The following HTR4 variants were observed in gnomAD, a reference collection of about 807,000 sequenced individuals.
The protein encoded by HTR4 is 5-hydroxytryptamine receptor 4.
Under a neutral mutation model 36.8 loss-of-function variants are expected in HTR4, and 16 were observed. The ratio of observed to expected loss-of-function variants is 0.43; its 90% confidence interval spans 0.29 to 0.66. The LOEUF (loss-of-function observed/expected upper bound fraction) is 0.66. Ranked by LOEUF, HTR4 falls within the 30% of genes least tolerant of loss-of-function variation. HTR4 has a pLI of 0.13. For synonymous variants in HTR4, 189 were observed against 185.1 expected (o/e 1.02, Z -0.17); for missense variants, 438 against 490.9 (o/e 0.89, Z 1.02).
At chr5:148,469,759 C>T (rs1018699599) in intron 5 of HTR4, among the ~76,000 whole-genome samples, 1 of 152,122 alleles carries the variant, frequency 6.6e-6, no homozygotes, top group Non-Finnish European at 1.5e-5. Context: ...TTGTCAGGCT[C>T]CTAGGATGCA....
chr5:148,472,402 T>G (rs1469637624), downstream of HTR4, among the ~76,000 whole-genome samples: 2 of 152,222 alleles, frequency 1.3e-5, no homozygotes, highest in Non-Finnish European at 2.9e-5. Flanking sequence ...TGTTATCTCC[T>G]GAGATACTCT....
intron 4 of HTR4, among the ~76,000 whole-genome samples, chr5:148,527,746 T>C (rs1758353170): frequency 6.6e-6 from 1 of 152,144 alleles, no homozygotes; most frequent in Non-Finnish European, 1.5e-5. Context: ...CCTGAGTAGC[T>C]GGGAATACAG....
intron 6 of HTR4, among the ~76,000 whole-genome samples, chr5:148,500,299 T>C (rs915738473): frequency 1.3e-5 from 2 of 151,874 alleles, no homozygotes; most frequent in African/African-American, 4.8e-5. Flanking sequence ...AGATGGTGAA[T>C]GTATAAAGTA....
chr5:148,460,301 G>A (rs1446403999), intron 5 of HTR4, among the ~76,000 whole-genome samples: 2 of 152,044 alleles, frequency 1.3e-5, no homozygotes, highest in African/African-American at 2.4e-5. Context: ...GAAGCTCAGA[G>A]AATACCAAGC....
At chr5:148,526,617 C>T (rs902402433) in intron 4 of HTR4, among the ~76,000 whole-genome samples, 1 of 152,024 alleles carries the variant, frequency 6.6e-6, no homozygotes, top group Non-Finnish European at 1.5e-5. Context: ...AGGTATGGAA[C>T]CTACCTAAGC....
intron 3 of HTR4, among the ~76,000 whole-genome samples, chr5:148,549,444 C>T (rs956923043): frequency 3.9e-5 from 6 of 152,282 alleles, no homozygotes; most frequent in East Asian, 1.9e-4. Context: ...GGAACTGCTT[C>T]GTTATACCCT....
At chr5:148,526,863 CA>C (rs1274125938) in intron 4 of HTR4, among the ~76,000 whole-genome samples, 1 of 151,882 alleles carries the variant, frequency 6.6e-6, no homozygotes, top group Non-Finnish European at 1.5e-5. Flanking sequence ...ATGGTTACCA[CA>C]GGCTGGGAGG....
At chr5:148,613,786 T>A (rs1389974932) in intron 2 of HTR4, among the ~76,000 whole-genome samples, 1 of 149,502 alleles carries the variant, frequency 6.7e-6, no homozygotes, top group Non-Finnish European at 1.5e-5. Context: ...AAAACCCCAT[T>A]GTCTCAGCCC....
intron 2 of HTR4, among the ~76,000 whole-genome samples, chr5:148,591,401 GAATCTGT>G (rs1761565651): frequency 6.6e-6 from 1 of 152,018 alleles, no homozygotes; most frequent in Non-Finnish European, 1.5e-5. Flanking sequence ...AAATAACATT[GAATCTGT>G]AAATGGCTTT....
At chr5:148,627,849 A>G (rs1037549093) in intron 2 of HTR4, among the ~76,000 whole-genome samples, 2 of 152,262 alleles carry the variant, frequency 1.3e-5, no homozygotes, top group African/African-American at 4.8e-5. Flanking sequence ...AGAAAATAGC[A>G]GGTACTAAAA....
At chr5:148,462,790 T>C (rs11168048) in intron 5 of HTR4, among the ~76,000 whole-genome samples, 58,281 of 152,040 alleles carry the variant, frequency 0.38, 12,291 homozygotes, top group East Asian at 0.7. Context: ...AGTCTAACAA[T>C]GTATACACAG....
At chr5:148,574,661 C>G (rs1760818115) in intron 2 of HTR4, among the ~76,000 whole-genome samples, 1 of 152,064 alleles carries the variant, frequency 6.6e-6, no homozygotes, top group South Asian at 2.1e-4. Context: ...AAACTGACTT[C>G]TTAATCTTTC....
intron 5 of HTR4, among the ~76,000 whole-genome samples, chr5:148,462,694 A>G (rs1406188903): frequency 4.6e-5 from 7 of 152,086 alleles, no homozygotes. Context: ...AAAACCAAAG[A>G]CATTACAAAA....
intron 5 of HTR4, among the ~76,000 whole-genome samples, chr5:148,453,906 T>G (rs1165114109): frequency 6.6e-6 from 1 of 152,124 alleles, no homozygotes; most frequent in Non-Finnish European, 1.5e-5. Context: ...GTCCAGGAAG[T>G]AGCTGTAAAG....
intron 2 of HTR4, among the ~76,000 whole-genome samples, chr5:148,560,017 C>G (rs1760124319): frequency 6.6e-6 from 1 of 151,952 alleles, no homozygotes. Context: ...TTTCCATATT[C>G]TAGGTGTGTT....
At chr5:148,579,100 G>A (rs1761037148) in intron 2 of HTR4, among the ~76,000 whole-genome samples, 1 of 152,072 alleles carries the variant, frequency 6.6e-6, no homozygotes, top group Non-Finnish European at 1.5e-5. Flanking sequence ...GTCACTCATA[G>A]CTGTCAGTTT....
downstream of HTR4, among the ~76,000 whole-genome samples, chr5:148,478,166 G>A (rs985538520): frequency 6.6e-6 from 1 of 152,166 alleles, no homozygotes; most frequent in South Asian, 2.1e-4. Context: ...TTCTCTGAAT[G>A]CCATAGTGCT....
chr5:148,643,555 T>C (rs1753788954), intron 1 of HTR4, among the ~76,000 whole-genome samples: 1 of 152,242 alleles, frequency 6.6e-6, no homozygotes, highest in African/African-American at 2.4e-5. Flanking sequence ...TTAATTTATG[T>C]GCTTTTGCAA....
At chr5:148,527,917 T>G (rs1024086662) in intron 4 of HTR4, among the ~76,000 whole-genome samples, 3 of 152,176 alleles carry the variant, frequency 2.0e-5, no homozygotes, top group Non-Finnish European at 4.4e-5. Context: ...CCTGGCCCCC[T>G]TACACATTTT....
Sources: allele counts gnomAD v4.1 joint callset (sites outside exome capture counted in the v4.1 genomes callset), GRCh38; gene constraint gnomAD v4.1.1; transcripts MANE v1.5; gene names NCBI Gene and HGNC (gene_info 2026-07-23, HGNC 2026-07-21).